The following YIPF7 variants were observed in gnomAD, a reference collection of about 807,000 sequenced individuals.
YIPF7 encodes the protein protein YIPF7.
Under a neutral mutation model 27.2 loss-of-function variants are expected in YIPF7, and 35 were observed. The observed-to-expected ratio is 1.29, with a 90% confidence interval of 0.98 to 1.70. The LOEUF (loss-of-function observed/expected upper bound fraction) is 1.70. YIPF7 is among the 40% of genes most tolerant of loss of function. The probability of loss-of-function intolerance (pLI) is 0.00; values close to 1 mark genes in which losing one functional copy is unlikely to be tolerated. For missense variants in YIPF7, 358 were observed against 303.7 expected (o/e 1.18, Z -1.33); for synonymous variants, 137 against 110.4 (o/e 1.24, Z -1.51).
At chr4:44,643,638 A>G (rs1396329865) in intron 2 of YIPF7, among the ~76,000 whole-genome samples, 2 of 152,154 alleles carry the variant, frequency 1.3e-5, no homozygotes, top group East Asian at 3.9e-4. Flanking sequence ...CCTAGGAAGG[A>G]AGAATGGTTT....
chr4:44,628,629 TAA>T (rs1376227511), intron 4 of YIPF7, among the ~76,000 whole-genome samples: 79 of 146,990 alleles, frequency 5.4e-4, no homozygotes, highest in Non-Finnish European at 6.0e-5. Context: ...CTCCTTGGTA[TAA>T]AGTCAGAGAC....
At chr4:44,647,205 C>A (rs1336959195) in intron 2 of YIPF7, among the ~76,000 whole-genome samples, 2 of 152,090 alleles carry the variant, frequency 1.3e-5, no homozygotes, top group Non-Finnish European at 2.9e-5. Context: ...CCTCATCTGG[C>A]TACATTAATT....
At chr4:44,629,369 G>T in intron 4 of YIPF7, 34 bp downstream of exon 4, 1 of 1,552,968 alleles carries the variant, frequency 6.4e-7, no homozygotes, top group East Asian at 2.3e-5. Flanking sequence ...GAAAGGACAA[G>T]CATTAAAATC....
chr4:44,627,251 A>C (rs1419310841), intron 4 of YIPF7, among the ~76,000 whole-genome samples: 1 of 152,190 alleles, frequency 6.6e-6, no homozygotes, highest in East Asian at 1.9e-4. Flanking sequence ...TTTGGGGAAA[A>C]GAATAAGTAA....
intron 2 of YIPF7, among the ~76,000 whole-genome samples, chr4:44,637,783 T>C (rs918155739): frequency 3.9e-5 from 6 of 152,154 alleles, no homozygotes; most frequent in African/African-American, 1.2e-4. Flanking sequence ...CCCATTGTAT[T>C]ATTCTTATGC....
intron 5 of YIPF7, among the ~76,000 whole-genome samples, chr4:44,624,155 T>C (rs529896900): frequency 6.6e-6 from 1 of 150,710 alleles, no homozygotes; most frequent in East Asian, 2.0e-4. Flanking sequence ...AACCTCCGCC[T>C]CTGGGTTCAA....
chr4:44,644,124 T>C (rs959750258), intron 2 of YIPF7, among the ~76,000 whole-genome samples: 1 of 152,150 alleles, frequency 6.6e-6, no homozygotes, highest in Non-Finnish European at 1.5e-5. Flanking sequence ...GAACATGGTG[T>C]GCCCTGCAAA....
intron 2 of YIPF7, among the ~76,000 whole-genome samples, chr4:44,645,782 A>G (rs1713506422): frequency 3.3e-5 from 5 of 152,146 alleles, no homozygotes; most frequent in Admixed American, 3.3e-4. Flanking sequence ...AACTACCGAG[A>G]AGTGACTGTA....
At chr4:44,622,991 T>C (rs1223108596) in intron 5 of YIPF7, among the ~76,000 whole-genome samples, 2 of 152,172 alleles carry the variant, frequency 1.3e-5, no homozygotes, top group African/African-American at 2.4e-5. Context: ...TACATTCCAG[T>C]GGGGTGCCTA....
intron 2 of YIPF7, among the ~76,000 whole-genome samples, chr4:44,645,507 C>T (rs1031212451): frequency 2.6e-5 from 4 of 152,060 alleles, no homozygotes; most frequent in Admixed American, 2.0e-4. Context: ...AAGATGTCAA[C>T]GTTATATATT....
At chr4:44,655,487 C>T (rs1713861893), upstream of YIPF7, among the ~76,000 whole-genome samples, 1 of 151,952 alleles carries the variant, frequency 6.6e-6, no homozygotes, top group Admixed American at 6.6e-5. Flanking sequence ...TTTAGGAACA[C>T]TAAATGATGT....
At chr4:44,652,982 T>A (rs1001768036), upstream of YIPF7, among the ~76,000 whole-genome samples, 2 of 152,052 alleles carry the variant, frequency 1.3e-5, no homozygotes, top group Non-Finnish European at 2.9e-5. Context: ...TAGAATATAC[T>A]GTTAAGATGG....
chr4:44,642,089 C>T (rs939846810), intron 2 of YIPF7, among the ~76,000 whole-genome samples: 2 of 152,126 alleles, frequency 1.3e-5, no homozygotes, highest in African/African-American at 2.4e-5. Flanking sequence ...ACTTGTCTGG[C>T]CTCACCATAA....
At chr4:44,622,618 A>G (rs745608509) in intron 5 of YIPF7, 42 bp from the exon 6 acceptor site, 10 of 1,603,254 alleles carry the variant, frequency 6.2e-6, no homozygotes, top group African/African-American at 1.3e-5. Context: ...GCCAGTAGAA[A>G]AGAGATTATT....
Position 44,624,520 on chromosome 4 carries a change from A to G in YIPF7, c.608+81T>C, listed in dbSNP as rs1712554899. The G allele has an allele frequency of 6.4e-6, 9 of 1,402,168 alleles. No homozygotes were observed. The South Asian group carries it at 1.4e-4, about 23-fold the overall frequency. The allele number at this position is 1,402,168 out of a possible 1,614,324, so 86.9% of individuals were successfully genotyped here. A position where few individuals can be genotyped will look rare whatever the true frequency, so the allele number is the denominator to read the frequency against. On this transcript the variant is annotated intron_variant, in intron 5 of 5. Transcript: ENST00000415895. ...AGTTCCACTACCAAAACAATCAGGA[A>G]GGGCTCAACTTTTTCATGGCTGTGG...
intron 3 of YIPF7, among the ~76,000 whole-genome samples, chr4:44,630,631 A>G (rs1222457169): frequency 6.6e-6 from 1 of 152,222 alleles, no homozygotes; most frequent in Non-Finnish European, 1.5e-5. Context: ...TTCAGTGTTC[A>G]TGAGTCCAAA....
intron 2 of YIPF7, among the ~76,000 whole-genome samples, chr4:44,660,113 CA>C (rs11461675): frequency 0.061 from 1,553 of 25,334 alleles, 8 homozygotes; most frequent in African/African-American, 0.16. Flanking sequence ...GACTCTGTCT[CA>C]AAAAAAAAAA....
At chr4:44,629,958 T>C (rs1712827132) in intron 3 of YIPF7, among the ~76,000 whole-genome samples, 1 of 152,198 alleles carries the variant, frequency 6.6e-6, no homozygotes, top group African/African-American at 2.4e-5. Flanking sequence ...GATATTTCCT[T>C]TTCCTGCATT....
At chr4:44,647,420 G>A (rs1415685223) in intron 2 of YIPF7, among the ~76,000 whole-genome samples, 1 of 152,110 alleles carries the variant, frequency 6.6e-6, no homozygotes, top group Non-Finnish European at 1.5e-5. Flanking sequence ...GGAAAAGAGG[G>A]TTGAGAAAAG....
Sources: allele counts gnomAD v4.1 joint callset (sites outside exome capture counted in the v4.1 genomes callset), GRCh38; gene constraint gnomAD v4.1.1; transcripts MANE v1.5; gene names NCBI Gene and HGNC (gene_info 2026-07-23, HGNC 2026-07-21).